ANO7: variants seen among roughly 807,000 people sequenced by gnomAD.
ANO7 encodes the protein anoctamin-7.
ANO7 carries 114 observed loss-of-function variants against 115.8 expected under a neutral mutation model. That is an observed-to-expected ratio of 0.98 (90% CI 0.85 to 1.15). The LOEUF is 1.15. Among genes scored for constraint, ANO7 ranks in the 50% most tolerant of loss-of-function variants. ANO7 has a pLI of 0.00. For missense variants in ANO7, 1,302 were observed against 1,201.2 expected, an observed-to-expected ratio of 1.08 and a Z score of -1.24; for synonymous variants, 550 against 498.2, an observed-to-expected ratio of 1.10 and a Z score of -1.38.
Position 241,224,466 on chromosome 2 carries a change from G to C in ANO7, c.*313G>C. On this transcript the variant is annotated 3_prime_UTR_variant, in exon 25 of 25. Transcript: ENST00000674324. ...GTGGCCTCCCCAGGCCCCTGGACAC[G>C]ACAGTTCTCCTCAGGCAGGTGGGCT... 1 of 403,176 alleles carries C rather than the reference G, an allele frequency of 2.5e-6. No individual in the cohort carries two copies. Among genetic ancestry groups the C allele is most frequent in the Non-Finnish European group, 4.6e-6 (1 of 217,886 alleles). 25.0% of individuals were successfully genotyped at this position (403,176 alleles called of 1,614,324 possible). A position where few individuals can be genotyped will look rare whatever the true frequency, so the allele number is the denominator to read the frequency against.
In ANO7 at chr2:241,214,790, GC is replaced by G; in HGVS notation, c.1729-12del. 1 of 1,608,710 alleles carries G rather than the reference GC, an allele frequency of 6.2e-7. No individual in the cohort carries two copies. The highest frequency in any genetic ancestry group is 8.5e-7 in the Non-Finnish European group (1 of 1,179,354). On this transcript the variant is annotated splice_polypyrimidine_tract_variant and intron_variant, in intron 17 of 24. Coordinates refer to ENST00000674324, the MANE Select transcript of ANO7 (RefSeq NM_001370694.2). ...GGTCCCCCTCTCCCAGCTAACCTGA[GC>G]CCTGCTGCCGTAGTGCGCGGCTGGA...
downstream of ANO7, chr2:241,228,890 A>C (rs920931162): frequency 1.3e-5 from 2 of 152,782 alleles, no homozygotes; most frequent in African/African-American, 2.4e-5. Context: ...GATGGTGCCT[A>C]CCACCTTGCC....
chr2:241,238,558 G>T, the ANO7 span: 26 of 1,047,584 alleles, frequency 2.5e-5, no homozygotes, highest in Non-Finnish European at 3.2e-5. This position sits in a 1 kb window ranked among gnomAD's most constrained non-coding sequence, Gnocchi z 4.9. Flanking sequence ...GCAGAGACAG[G>T]AAAGAGCCTC....
chr2:241,240,104 C>A, the ANO7 span: 23 of 1,614,108 alleles, frequency 1.4e-5, no homozygotes, highest in Non-Finnish European at 1.8e-5. The surrounding 1 kb of genome is among the most constrained non-coding windows in gnomAD (Gnocchi z 5.5). Context: ...CGGATGTCAA[C>A]AGTGAAACTC....
At chr2:241,202,349 G>A in intron 8 of ANO7, 45 bp downstream of exon 8, 1 of 1,563,364 alleles carries the variant, frequency 6.4e-7, no homozygotes, top group Non-Finnish European at 8.7e-7. Flanking sequence ...TGGGAGATGA[G>A]TCCCCTTGGG....
At chr2:241,239,583 C>T in the ANO7 span, 350 of 1,606,954 alleles carry the variant, frequency 2.2e-4, no homozygotes, top group African/African-American at 4.1e-3. The surrounding 1 kb of genome is among the most constrained non-coding windows in gnomAD (Gnocchi z 4.6). Flanking sequence ...AACCCCTCCC[C>T]GAGCACCCAA....
rs371240875 is a variant in ANO7, at chr2:241,202,332, C to A, written c.723+28C>A. On this transcript the variant is annotated intron_variant, in intron 8 of 24. Transcript: ENST00000674324. ...GAGCTCGGGGGCTGGGGGCTCCAGC[C>A]TGGGTATGGGAGATGAGTCCCCTTG... 6 of 1,602,154 alleles carry A rather than the reference C, an allele frequency of 3.7e-6. No homozygotes were observed. In the South Asian group the frequency reaches 6.6e-5, roughly 18 times the overall value.
At position 241,202,317 on chromosome 2, in the gene ANO7, G is replaced by A. The variant is rs1157435897; in HGVS notation, c.723+13G>A. The stretch of plus-strand genomic sequence containing the variant: ...CCCCCTGCATGACGTGAGCTCGGGG[G>A]CTGGGGGCTCCAGCCTGGGTATGGG... On this transcript the variant is annotated intron_variant, in intron 8 of 24. Transcript: ENST00000674324. 4 of 1,609,334 alleles carry A rather than the reference G, an allele frequency of 2.5e-6. No individual in the cohort carries two copies. The highest frequency in any genetic ancestry group is 4.5e-5 in the East Asian group (2 of 44,880).
the ANO7 span, chr2:241,239,480 GA>G: frequency 1.3e-6 from 1 of 760,756 alleles, no homozygotes; most frequent in South Asian, 1.7e-5. This position sits in a 1 kb window ranked among gnomAD's most constrained non-coding sequence, Gnocchi z 4.6. Context: ...AGCCCCTTCT[GA>G]AGCCTTCCAG....
chr2:241,217,357 G>C (rs2068855293), intron 19 of ANO7, among the ~76,000 whole-genome samples: 1 of 152,244 alleles, frequency 6.6e-6, no homozygotes, highest in Non-Finnish European at 1.5e-5. Context: ...CTCCCCTGTG[G>C]GGTGACTGGA....
chr2:241,207,051 G>A (rs1220172378), intron 10 of ANO7, among the ~76,000 whole-genome samples: 3 of 128,302 alleles, frequency 2.3e-5, no homozygotes, highest in Non-Finnish European at 4.7e-5. Flanking sequence ...AGTGCTCCCA[G>A]GCTGACAGGT....
At chr2:241,207,513 G>C in intron 10 of ANO7, 61 bp from the exon 11 acceptor site, 1 of 1,448,584 alleles carries the variant, frequency 6.9e-7, no homozygotes, top group South Asian at 1.1e-5. Context: ...GCGCCTGGCT[G>C]GGAGGAGCAA....
At chr2:241,222,717 G>C (rs2149277462) in intron 21 of ANO7, among the ~76,000 whole-genome samples, 1 of 152,260 alleles carries the variant, frequency 6.6e-6, no homozygotes, top group Non-Finnish European at 1.5e-5. Context: ...AGATGTCAAA[G>C]TCTGAAATAG....
At position 241,216,123 on chromosome 2, in the gene ANO7, G is replaced by A. The variant is rs1264512764; in HGVS notation, c.1857G>A (p.Arg619=). The A allele has an allele frequency of 3.1e-6, 5 of 1,612,382 alleles. No homozygotes were observed. The highest frequency in any genetic ancestry group is 4.2e-6 in the Non-Finnish European group (5 of 1,179,598). ...PKLKGWWQKF[R]LRSKKRKAGA... is the part of the protein sequence containing the mutation. ...TAAAGGGCTGGTGGCAGAAGTTCCG[G>A]CTTCGCTCCAAGAAGAGGAAGGCGG... is the stretch of plus-strand genomic sequence containing the variant. Residue 619 remains arginine (R), a synonymous_variant, in exon 19 of 25, where the codon CGG becomes CGA. Transcript: ENST00000674324.
chr2:241,195,779 C>T lies in ANO7; in HGVS notation c.243C>T (p.Asp81=). The change falls in exon 4 of 25, where the codon GAC becomes GAT. Residue 81 remains aspartate, a synonymous_variant. Transcript: ENST00000674324. ...QQDSAARDRT[D]MHRTWRETFL... ...ACAGTGCCGCCCGGGACAGAACAGA[C>T]ATGCACAGGACCTGGCGGGAGACTT... 4 of 1,614,276 alleles carry T rather than the reference C, an allele frequency of 2.5e-6. No individual in the cohort carries two copies. The highest frequency in any genetic ancestry group is 3.4e-6 in the Non-Finnish European group (4 of 1,180,054).
At chr2:241,239,863 G>C in the ANO7 span, 7 of 1,611,428 alleles carry the variant, frequency 4.3e-6, no homozygotes, top group African/African-American at 1.3e-5. This position sits in a 1 kb window ranked among gnomAD's most constrained non-coding sequence, Gnocchi z 4.6. Context: ...ACCCCATCAC[G>C]GCCCCAGCAG....
At chr2:241,234,309 C>T in the ANO7 span, among the ~76,000 whole-genome samples, 4 of 152,200 alleles carry the variant, frequency 2.6e-5, no homozygotes, top group Non-Finnish European at 4.4e-5. Context: ...CTGATGGATA[C>T]GCACAGAAAT....
At chr2:241,206,671 C>G (rs1574776732) in intron 10 of ANO7, among the ~76,000 whole-genome samples, 1 of 38,728 alleles carries the variant, frequency 2.6e-5, no homozygotes, top group Non-Finnish European at 4.7e-5. Flanking sequence ...TGCTCCCAGC[C>G]AGACACAGGT....
In ANO7 at chr2:241,224,254, G is replaced by C. The variant is rs933840264; in HGVS notation, c.*101G>C. The C allele has an allele frequency of 6.7e-6, 9 of 1,341,652 alleles. No homozygotes were observed. In the East Asian group the frequency reaches 2.2e-4, roughly 33 times the overall value. 83.1% of individuals were successfully genotyped at this position (1,341,652 alleles called of 1,614,324 possible). On this transcript the variant is annotated 3_prime_UTR_variant, in exon 25 of 25. Coordinates refer to ENST00000674324, the MANE Select transcript of ANO7 (RefSeq NM_001370694.2). ...CCCTCAGGCAGCGGCTGTGTGAACCGCTGGCTGCTGTTGTGCCTCATCTCT... is the reference window on the plus strand; with the variant it reads ...CCCTCAGGCAGCGGCTGTGTGAACCCCTGGCTGCTGTTGTGCCTCATCTCT...
Sources: allele counts gnomAD v4.1 joint callset (sites outside exome capture counted in the v4.1 genomes callset), GRCh38; gene constraint gnomAD v4.1.1; non-coding constraint Gnocchi (gnomAD v3.1); transcripts MANE v1.5; gene names NCBI Gene and HGNC (gene_info 2026-07-23, HGNC 2026-07-21).